The following CR1L variants were observed in gnomAD, a reference collection of about 807,000 sequenced individuals.
CR1L encodes the protein complement C3b/C4b receptor 1 like.
Under a neutral mutation model 62.3 loss-of-function variants are expected in CR1L, and 59 were observed. The observed-to-expected ratio is 0.95, with a 90% CI of 0.77 to 1.18. The LOEUF is 1.18. Among genes scored for constraint, CR1L ranks in the 50% most tolerant of loss-of-function variants. CR1L has a pLI of 0.00. For synonymous variants in CR1L, 279 were observed against 248.7 expected (o/e 1.12, Z -1.15); for missense variants, 700 against 702.8 (o/e 1.00, Z 0.04).
At chr1:207,649,565 G>A (rs918037277) in intron 1 of CR1L, among the ~76,000 whole-genome samples, 1 of 152,110 alleles carries the variant, frequency 6.6e-6, no homozygotes, top group African/African-American at 2.4e-5. Context: ...GAGTTTGTCG[G>A]TCTCAGCATG....
At chr1:207,718,980 ACAT>A (rs1490879365) in intron 11 of CR1L, among the ~76,000 whole-genome samples, 1 of 149,412 alleles carries the variant, frequency 6.7e-6, no homozygotes, top group Admixed American at 6.7e-5. Flanking sequence ...AAATTGGAAA[ACAT>A]CATTCTCAGT....
chr1:207,717,728 G>A, intron 11 of CR1L, 37 bp downstream of exon 11: 1 of 1,607,638 alleles, frequency 6.2e-7, no homozygotes, highest in Non-Finnish European at 8.5e-7. Flanking sequence ...AATGGGTTCA[G>A]AATATGTAGG....
intron 1 of CR1L, among the ~76,000 whole-genome samples, chr1:207,668,882 A>G (rs745467154): frequency 2.7e-5 from 4 of 150,796 alleles, no homozygotes; most frequent in Admixed American, 1.3e-4. Context: ...CTATACACAG[A>G]TTTACATTTT....
intron 5 of CR1L, 45 bp from the exon 6 acceptor site, chr1:207,697,458 A>G: frequency 6.2e-7 from 1 of 1,613,220 alleles, no homozygotes. Flanking sequence ...GTGAGAGAAA[A>G]GTTATTTTCA....
At chr1:207,700,935 T>G (rs1208724728) in intron 8 of CR1L, among the ~76,000 whole-genome samples, 3 of 152,242 alleles carry the variant, frequency 2.0e-5, no homozygotes, top group African/African-American at 7.2e-5. Flanking sequence ...CACTGGATCT[T>G]TCCCATGTCT....
chr1:207,663,705 C>G (rs551950835), intron 1 of CR1L, among the ~76,000 whole-genome samples: 2 of 152,194 alleles, frequency 1.3e-5, no homozygotes, highest in Non-Finnish European at 2.9e-5. Context: ...AGAAATCACC[C>G]GTCTTCTGTG....
chr1:207,681,404 G>C (rs1003868640), intron 3 of CR1L, among the ~76,000 whole-genome samples: 5 of 152,230 alleles, frequency 3.3e-5, no homozygotes, highest in African/African-American at 4.8e-5. Context: ...GGATATGAGA[G>C]TCCCTGGCTC....
At chr1:207,683,375 A>T (rs1663835351) in intron 3 of CR1L, among the ~76,000 whole-genome samples, 1 of 152,088 alleles carries the variant, frequency 6.6e-6, no homozygotes, top group Non-Finnish European at 1.5e-5. Context: ...GAGCTCAAGC[A>T]GTCCTCCTAC....
chr1:207,685,107 A>T (rs1408839550), intron 4 of CR1L, among the ~76,000 whole-genome samples: 1 of 152,242 alleles, frequency 6.6e-6, no homozygotes, highest in Non-Finnish European at 1.5e-5. Flanking sequence ...TATTAAAAAA[A>T]ATTAGTAAAA....
chr1:207,683,105 T>C lies in CR1L; in HGVS notation c.378-767T>C, dbSNP rs117667834. Among the ~76,000 whole-genome samples the C allele has an allele frequency of 6.3e-4, 95 of 150,252 alleles. 1 individual carries two copies. The East Asian group carries it at 0.019, about 29-fold the overall frequency. ...CTTTCTCTCTTTCTCTTTCTCTCTC[T>C]CTCTCCCTCTGACTCTCTCTCTCTC... On this transcript the variant is annotated intron_variant, in intron 3 of 11. Coordinates refer to ENST00000508064, the MANE Select transcript of CR1L (RefSeq NM_175710.2).
chr1:207,656,386 T>C (rs1347415975), intron 1 of CR1L, among the ~76,000 whole-genome samples: 1 of 152,216 alleles, frequency 6.6e-6, no homozygotes, highest in Non-Finnish European at 1.5e-5. Context: ...TAGCGCTCAG[T>C]TAAGCATATT....
At chr1:207,705,342 G>A (rs553030491) in intron 9 of CR1L, among the ~76,000 whole-genome samples, 3 of 152,278 alleles carry the variant, frequency 2.0e-5, no homozygotes, top group Non-Finnish European at 2.9e-5. Flanking sequence ...ACATATTTGG[G>A]GGAGACACAA....
At chr1:207,646,899 G>T (rs560514799) in intron 1 of CR1L, among the ~76,000 whole-genome samples, 2 of 152,038 alleles carry the variant, frequency 1.3e-5, no homozygotes, top group African/African-American at 2.4e-5. Flanking sequence ...CAGATTGTAC[G>T]TTGCATTTCT....
rs767376564 is a variant in CR1L at position 207,684,033 on chromosome 1, C to T, written c.463+76C>T. On this transcript the variant is annotated intron_variant, in intron 4 of 11. Transcript: ENST00000508064. ...TCTCTGGAATAATAAAAATCTTAAC[C>T]GAATTCCTTCTGTGCAATCTGTACT... The T allele has an allele frequency of 1.2e-4, 160 of 1,377,886 alleles. 2 individuals carry two copies. Among genetic ancestry groups the T allele is most frequent in the Middle Eastern group, 1.8e-4 (1 of 5,564 alleles). The allele number at this position is 1,377,886 out of a possible 1,614,324, so 85.4% of individuals were successfully genotyped here.
intron 1 of CR1L, among the ~76,000 whole-genome samples, chr1:207,656,379 C>T (rs1367990848): frequency 2.6e-5 from 4 of 152,144 alleles, no homozygotes; most frequent in African/African-American, 7.2e-5. Context: ...TCTCAGCTAG[C>T]GCTCAGTTAA....
rs776714030 is a variant in CR1L at position 207,694,577 on chromosome 1, T to A, written c.688T>A (p.Cys230Ser). 1.9e-6 allele frequency: 3 copies of A among 1,612,126 alleles called. No homozygotes were observed. The highest frequency in any genetic ancestry group is 2.5e-6 in the Non-Finnish European group (3 of 1,179,750). Residue 230 changes from cysteine (C) to serine (S), a missense_variant, in exon 5 of 12, where the codon TGC becomes AGC. Transcript: ENST00000508064. ...PAPQCIIPNK[C>S]TPPNVENGIL... ...CCCTCAGTGCATTATACCTAACAAA[T>A]GCACGCCTCCAAATGTGGAAAATGG...
intron 1 of CR1L, chr1:207,652,788 C>T: frequency 1.5e-6 from 1 of 688,528 alleles, no homozygotes; most frequent in East Asian, 2.7e-5. Context: ...GAGATTTGCA[C>T]ACATTTTAGG....
chr1:207,674,527 A>T (rs1413884407), intron 1 of CR1L, among the ~76,000 whole-genome samples: 1 of 152,188 alleles, frequency 6.6e-6, no homozygotes, highest in East Asian at 1.9e-4. Flanking sequence ...TTTTTGGGCT[A>T]CTACGCAAAT....
At chr1:207,710,688 G>A in intron 10 of CR1L, 1 of 1,610,132 alleles carries the variant, frequency 6.2e-7, no homozygotes, top group Non-Finnish European at 8.5e-7. Context: ...GTGGAGTTTA[G>A]GTGTCAGCCT....
Sources: allele counts gnomAD v4.1 joint callset (sites outside exome capture counted in the v4.1 genomes callset), GRCh38; gene constraint gnomAD v4.1.1; transcripts MANE v1.5; gene names NCBI Gene and HGNC (gene_info 2026-07-23, HGNC 2026-07-21).